The following DR1 variants were observed in gnomAD, a reference collection of about 807,000 sequenced individuals.
DR1 encodes the protein down-regulator of transcription 1, also known as protein Dr1.
DR1 carries 7 observed loss-of-function variants against 19.9 expected under a neutral mutation model. That is an observed-to-expected ratio of 0.35 (90% CI 0.20 to 0.66). The LOEUF (loss-of-function observed/expected upper bound fraction) is 0.66. DR1 is among the 30% of genes least tolerant of loss of function. DR1 has a pLI of 0.66. For synonymous variants in DR1, 76 were observed against 72.5 expected, an observed-to-expected ratio of 1.05 and a Z score of -0.24; for missense variants, 98 against 203.7, an observed-to-expected ratio of 0.48 and a Z score of 3.16.
chr1:93,353,866 G>A, intron 1 of DR1, 42 bp from the exon 2 acceptor site: 1 of 1,526,092 alleles, frequency 6.6e-7, no homozygotes, highest in Non-Finnish European at 8.8e-7. Context: ...GGAAAGCTGT[G>A]TTTTATCACC....
In DR1 at chr1:93,363,933, A is replaced by G. The variant is rs1376549800; in HGVS notation, c.*3294A>G. The stretch of plus-strand genomic sequence containing the variant: ...TTTGAGAATTTTTCAATTCTGAGCT[A>G]TTATGAATAGTACTGTGTAGAACAT... On this transcript the variant is annotated 3_prime_UTR_variant, in exon 3 of 3. Coordinates refer to ENST00000370272, the MANE Select transcript of DR1 (RefSeq NM_001938.3). The G allele has an allele frequency of 1.3e-5, 2 of 152,218 alleles. No homozygotes were observed. The highest frequency in any genetic ancestry group is 2.4e-5 in the African/African-American group (1 of 41,450). The allele number at this position is 152,218 out of a possible 1,614,324, so 9.4% of individuals were successfully genotyped here.
chr1:93,362,305 G>A lies in DR1; in HGVS notation c.*1666G>A, dbSNP rs1352186389. On this transcript the variant is annotated 3_prime_UTR_variant, in exon 3 of 3. Transcript: ENST00000370272. ...AGAAATTGTTTTTTAAAAAGTTTAA[G>A]TACCAAAGGTAGTCTAGTCTAGAAC... 1 of 152,438 alleles carries A rather than the reference G, an allele frequency of 6.6e-6. No individual in the cohort carries two copies. Among genetic ancestry groups the A allele is most frequent in the Non-Finnish European group, 1.5e-5 (1 of 67,902 alleles). The allele number at this position is 152,438 out of a possible 1,614,324, so 9.4% of individuals were successfully genotyped here.
chr1:93,346,969 T>A, intron 1 of DR1, 104 bp downstream of exon 1: 1 of 1,062,676 alleles, frequency 9.4e-7, no homozygotes, highest in East Asian at 2.6e-5. Context: ...CCCTGGTAAG[T>A]AACTTAATGA....
At position 93,346,429 on chromosome 1, in the gene DR1, G is replaced by GC. The variant is rs1250574385; in HGVS notation, c.-212dup. 1 of 572,456 alleles carries GC rather than the reference G, an allele frequency of 1.7e-6. No homozygotes were observed. Among genetic ancestry groups the GC allele is most frequent in the Non-Finnish European group, 3.1e-6 (1 of 320,430 alleles). The allele number at this position is 572,456 out of a possible 1,614,324, so 35.5% of individuals were successfully genotyped here. ...GCTGTGCTCTCTCTAGAATCCTCGGGCCCCCACTTTCTTCCCAAACTCATC... is the reference window on the plus strand; with the variant it reads ...GCTGTGCTCTCTCTAGAATCCTCGGGCCCCCCACTTTCTTCCCAAACTCATC... On this transcript the variant is annotated 5_prime_UTR_variant, in exon 1 of 3. Coordinates refer to ENST00000370272, the MANE Select transcript of DR1 (RefSeq NM_001938.3).
intron 2 of DR1, among the ~76,000 whole-genome samples, chr1:93,358,139 AAG>A (rs1316749761): frequency 1.3e-5 from 2 of 152,162 alleles, no homozygotes; most frequent in African/African-American, 4.8e-5. Flanking sequence ...GGAAGAAGGA[AAG>A]AGAAAGAAAT....
In DR1 at chr1:93,365,553, C is replaced by G. The variant is rs1294547521; in HGVS notation, c.*4914C>G. On this transcript the variant is annotated 3_prime_UTR_variant, in exon 3 of 3. Coordinates refer to ENST00000370272, the MANE Select transcript of DR1 (RefSeq NM_001938.3). The stretch of plus-strand genomic sequence containing the variant: ...CGAGTATAGGAGGCAAAATTGCACC[C>G]TGTTGAAAACCACCACCTTAGATCA... 1.3e-5 allele frequency: 2 copies of G among 152,150 alleles called. No homozygotes were observed. The highest frequency in any genetic ancestry group is 2.9e-5 in the Non-Finnish European group (2 of 68,064). 9.4% of individuals were successfully genotyped at this position (152,150 alleles called of 1,614,324 possible).
intron 1 of DR1, among the ~76,000 whole-genome samples, chr1:93,349,968 T>A (rs1666896727): frequency 1.3e-5 from 2 of 152,194 alleles, no homozygotes; most frequent in South Asian, 4.1e-4. Flanking sequence ...ACCTTTGCTC[T>A]AAAGCCTAAA....
At position 93,361,356 on chromosome 1, in the gene DR1, T is replaced by C. The variant is rs1667049668; in HGVS notation, c.*717T>C. Reference sequence around the variant, plus strand: ...CTATGACATTTCAAAGACTGCCCAGTTTGGAAGTCTGTCATGATTTTTACT... The same window carrying C: ...CTATGACATTTCAAAGACTGCCCAGCTTGGAAGTCTGTCATGATTTTTACT... On this transcript the variant is annotated 3_prime_UTR_variant, in exon 3 of 3. Transcript: ENST00000370272. 6.6e-6 allele frequency: 1 copy of C among 152,588 alleles called. No individual in the cohort carries two copies. The highest frequency in any genetic ancestry group is 2.4e-5 in the African/African-American group (1 of 41,434). The allele number at this position is 152,588 out of a possible 1,614,324, so 9.5% of individuals were successfully genotyped here.
Position 93,363,935 on chromosome 1 carries a change from T to C in DR1, c.*3296T>C, listed in dbSNP as rs142343139. On this transcript the variant is annotated 3_prime_UTR_variant, in exon 3 of 3. Transcript: ENST00000370272. ...TGAGAATTTTTCAATTCTGAGCTAT[T>C]ATGAATAGTACTGTGTAGAACATTC... The C allele has an allele frequency of 6.6e-6, 1 of 152,366 alleles. No individual in the cohort carries two copies. The highest frequency in any genetic ancestry group is 1.9e-4 in the East Asian group (1 of 5,194). 9.4% of individuals were successfully genotyped at this position (152,366 alleles called of 1,614,324 possible).
At chr1:93,359,558 C>A (rs1475446676) in intron 2 of DR1, among the ~76,000 whole-genome samples, 2 of 152,064 alleles carry the variant, frequency 1.3e-5, no homozygotes, top group East Asian at 3.8e-4. Context: ...AGGGGAGGGT[C>A]TGAGTTGGAC....
At chr1:93,350,729 C>T (rs1186965229) in intron 1 of DR1, among the ~76,000 whole-genome samples, 3 of 151,980 alleles carry the variant, frequency 2.0e-5, no homozygotes, top group Non-Finnish European at 2.9e-5. Context: ...CCCTAATGTA[C>T]ACCATGGACT....
Position 93,364,919 on chromosome 1 carries a change from T to G in DR1, c.*4280T>G, listed in dbSNP as rs1295187787. 1 of 143,756 alleles carries G rather than the reference T, an allele frequency of 7.0e-6. No individual in the cohort carries two copies. Among genetic ancestry groups the G allele is most frequent in the East Asian group, 2.2e-4 (1 of 4,568 alleles). The allele number at this position is 143,756 out of a possible 1,614,324, so 8.9% of individuals were successfully genotyped here. ...CCCAGGCTGGAATGCAGTGGCGCGATCTCGGCTCACTGCAAGCTCCGCCTC... is the reference window on the plus strand; with the variant it reads ...CCCAGGCTGGAATGCAGTGGCGCGAGCTCGGCTCACTGCAAGCTCCGCCTC... On this transcript the variant is annotated 3_prime_UTR_variant, in exon 3 of 3. Coordinates refer to ENST00000370272, the MANE Select transcript of DR1 (RefSeq NM_001938.3).
rs1667094261 is a variant in DR1, at chr1:93,364,512, G to A, written c.*3873G>A. 1 of 152,056 alleles carries A rather than the reference G, an allele frequency of 6.6e-6. No individual in the cohort carries two copies. Among genetic ancestry groups the A allele is most frequent in the African/African-American group, 2.4e-5 (1 of 41,370 alleles). 9.4% of individuals were successfully genotyped at this position (152,056 alleles called of 1,614,324 possible). ...TAGGAAGAATTATCCAATTCAGATG[G>A]CATAGGCACTGCCTTCCAATTTCTT... On this transcript the variant is annotated 3_prime_UTR_variant, in exon 3 of 3. Coordinates refer to ENST00000370272, the MANE Select transcript of DR1 (RefSeq NM_001938.3).
intron 1 of DR1, 130 bp downstream of exon 1, chr1:93,346,995 A>C (rs557863283): frequency 2.5e-6 from 2 of 790,870 alleles, no homozygotes; most frequent in South Asian, 3.6e-5. Flanking sequence ...CCAGACTGGC[A>C]TGTAGGCAGC....
At chr1:93,354,110 C>A in intron 2 of DR1, 39 bp downstream of exon 2, 3 of 1,571,574 alleles carry the variant, frequency 1.9e-6, no homozygotes, top group Non-Finnish European at 1.7e-6. Flanking sequence ...CTGAATCCTA[C>A]CCTGTTTGCT....
chr1:93,360,802 T>G lies in DR1; in HGVS notation c.*163T>G. On this transcript the variant is annotated 3_prime_UTR_variant, in exon 3 of 3. Transcript: ENST00000370272. ...AGTTTCATCTATTGTGTGCTATACA[T>G]GTAAAAACTGTCTCTTTGAACTATT... 1.4e-6 allele frequency: 1 copy of G among 708,826 alleles called. No individual in the cohort carries two copies. Among genetic ancestry groups the G allele is most frequent in the Non-Finnish European group, 2.2e-6 (1 of 457,438 alleles). 43.9% of individuals were successfully genotyped at this position (708,826 alleles called of 1,614,324 possible).
At chr1:93,355,831 A>G (rs1643012273) in intron 2 of DR1, 1 of 152,244 alleles carries the variant, frequency 6.6e-6, no homozygotes, top group African/African-American at 2.4e-5. Context: ...AGTTCTAAAT[A>G]TGAAAGAGTG....
rs1667206793 is a variant in DR1 at position 93,369,392 on chromosome 1, G to A, written c.*8753G>A. On this transcript the variant is annotated 3_prime_UTR_variant, in exon 3 of 3. Coordinates refer to ENST00000370272, the MANE Select transcript of DR1 (RefSeq NM_001938.3). The stretch of plus-strand genomic sequence containing the variant: ...TTCTAAGGAAGCAGAGGTAATGTCT[G>A]TTACTATTTTCAGCTCCCTTTTTCT... The A allele has an allele frequency of 6.6e-6, 1 of 152,168 alleles. No homozygotes were observed. Among genetic ancestry groups the A allele is most frequent in the African/African-American group, 2.4e-5 (1 of 41,440 alleles). 9.4% of individuals were successfully genotyped at this position (152,168 alleles called of 1,614,324 possible).
rs1666848507 is a variant in DR1, at chr1:93,346,717, G to A, written c.72G>A (p.Glu24=). 1 of 1,613,936 alleles carries A rather than the reference G, an allele frequency of 6.2e-7. No individual in the cohort carries two copies. The highest frequency in any genetic ancestry group is 1.7e-5 in the Admixed American group (1 of 59,980). The change falls in exon 1 of 3, where the codon GAG becomes GAA. Residue 24 remains glutamate, a synonymous_variant. Coordinates refer to ENST00000370272, the MANE Select transcript of DR1 (RefSeq NM_001938.3). ...CTGCTATCAATAAAATGATCAAAGAGACTCTTCCTAATGTCCGGGTGGCCA... is the reference window on the plus strand; with the variant it reads ...CTGCTATCAATAAAATGATCAAAGAAACTCTTCCTAATGTCCGGGTGGCCA... ...PRAAINKMIK[E]TLPNVRVAND... is the part of the protein sequence containing the mutation.
Sources: allele counts gnomAD v4.1 joint callset (sites outside exome capture counted in the v4.1 genomes callset), GRCh38; gene constraint gnomAD v4.1.1; transcripts MANE v1.5; gene names NCBI Gene and HGNC (gene_info 2026-07-23, HGNC 2026-07-21).